MEGF9: variants seen among roughly 807,000 people sequenced by gnomAD.
MEGF9 encodes multiple epidermal growth factor-like domains protein 9.
In MEGF9, 6 loss-of-function variants were observed where a neutral mutation model predicts 46.8. The ratio of observed to expected loss-of-function variants is 0.13; its 90% CI spans 0.07 to 0.25. The LOEUF (loss-of-function observed/expected upper bound fraction) is 0.25. Ranked by LOEUF, MEGF9 falls within the 10% of genes least tolerant of loss-of-function variation. The pLI is 1.00. For missense variants in MEGF9, 683 were observed against 792.4 expected, an observed-to-expected ratio of 0.86 and a Z score of 1.66; for synonymous variants, 302 against 330.7, an observed-to-expected ratio of 0.91 and a Z score of 0.94.
chr9:120,686,793 A>G (rs1314058237), intron 1 of MEGF9, among the ~76,000 whole-genome samples: 3 of 152,216 alleles, frequency 2.0e-5, no homozygotes, highest in Non-Finnish European at 4.4e-5. Context: ...TATTAAATGA[A>G]ACAATATAGC....
chr9:120,609,596 A>G (rs2043435849), intron 4 of MEGF9, among the ~76,000 whole-genome samples: 1 of 152,240 alleles, frequency 6.6e-6, no homozygotes, highest in Non-Finnish European at 1.5e-5. Flanking sequence ...TTTAGGCAGT[A>G]GGAACATAAC....
Position 120,601,926 on chromosome 9 carries a change from A to G in MEGF9, c.*3264T>C, listed in dbSNP as rs910162532. ...TAATGGCAGTATCTGTAATTTCCAA[A>G]TAAGATTCACATCAGTGCTATCTTA... On this transcript the variant is annotated 3_prime_UTR_variant, in exon 6 of 6. Coordinates refer to ENST00000373930, the MANE Select transcript of MEGF9 (RefSeq NM_001080497.3). 2.0e-5 allele frequency: 3 copies of G among 152,228 alleles called. No individual in the cohort carries two copies. Among genetic ancestry groups the G allele is most frequent in the South Asian group, 2.1e-4 (1 of 4,834 alleles). The allele number at this position is 152,228 out of a possible 1,614,324, so 9.4% of individuals were successfully genotyped here. A position where few individuals can be genotyped will look rare whatever the true frequency, so the allele number is the denominator to read the frequency against.
chr9:120,692,656 C>T, intron 1 of MEGF9, among the ~76,000 whole-genome samples: 1 of 152,122 alleles, frequency 6.6e-6, no homozygotes, highest in Non-Finnish European at 1.5e-5. Flanking sequence ...TCTCTTCATT[C>T]CCTGTTCCAC....
Position 120,605,141 on chromosome 9 carries a change from C to G in MEGF9, c.*49G>C, listed in dbSNP as rs1226242233. 6.5e-7 allele frequency: 1 copy of G among 1,534,930 alleles called. No homozygotes were observed. The highest frequency in any genetic ancestry group is 8.8e-7 in the Non-Finnish European group (1 of 1,138,516). Reference sequence around the variant, plus strand: ...GCTTTGTCTGGCCCAGGGGCTGACTCTGTCTTAGCAAGCACTGTGGTTTAA... The same window carrying G: ...GCTTTGTCTGGCCCAGGGGCTGACTGTGTCTTAGCAAGCACTGTGGTTTAA... On this transcript the variant is annotated 3_prime_UTR_variant, in exon 6 of 6. Transcript: ENST00000373930. The surrounding 1 kb of genome is among the most constrained non-coding windows in gnomAD (Gnocchi z 4.0).
At chr9:120,659,660 T>C in intron 1 of MEGF9, 85 bp from the exon 2 acceptor site, 1 of 1,118,822 alleles carries the variant, frequency 8.9e-7, no homozygotes, top group Non-Finnish European at 1.2e-6. Context: ...TTTTTCTTAA[T>C]AAATTTTCAT....
chr9:120,634,765 T>C (rs927731544), intron 2 of MEGF9, among the ~76,000 whole-genome samples: 7 of 152,208 alleles, frequency 4.6e-5, no homozygotes, highest in African/African-American at 1.7e-4. Context: ...TGCTGACATT[T>C]TGTTAATTGT....
At chr9:120,708,430 T>C (rs2043938512) in intron 1 of MEGF9, among the ~76,000 whole-genome samples, 1 of 152,200 alleles carries the variant, frequency 6.6e-6, no homozygotes, top group South Asian at 2.1e-4. Context: ...TTTGTTTACA[T>C]GTCATGGTAG....
intron 1 of MEGF9, among the ~76,000 whole-genome samples, chr9:120,674,990 T>C (rs747081892): frequency 2.0e-5 from 3 of 151,826 alleles, no homozygotes; most frequent in Non-Finnish European, 2.9e-5. Context: ...GCCATTTTCC[T>C]GCCTCAGCTT....
chr9:120,709,371 C>T (rs1034208263), intron 1 of MEGF9, among the ~76,000 whole-genome samples: 1 of 151,672 alleles, frequency 6.6e-6, no homozygotes, highest in African/African-American at 2.4e-5. Flanking sequence ...TGAGATGGTG[C>T]CACTGCATTC....
At chr9:120,647,907 T>C (rs769965841) in intron 2 of MEGF9, among the ~76,000 whole-genome samples, 1 of 152,016 alleles carries the variant, frequency 6.6e-6, no homozygotes, top group East Asian at 1.9e-4. Context: ...GCCAGAAACA[T>C]GGGAGTCATC....
At chr9:120,689,951 A>G (rs199691251) in intron 1 of MEGF9, 2 of 532,668 alleles carry the variant, frequency 3.8e-6, no homozygotes, top group Non-Finnish European at 7.7e-6. Context: ...CTGAGACTCT[A>G]AGATTCATGA....
intron 4 of MEGF9, among the ~76,000 whole-genome samples, chr9:120,610,250 C>CAACA (rs1278160393): frequency 6.6e-6 from 1 of 152,164 alleles, no homozygotes; most frequent in Non-Finnish European, 1.5e-5. Flanking sequence ...TTACAGCTTA[C>CAACA]AACAGTACCA....
At chr9:120,635,677 T>C (rs911333370) in intron 2 of MEGF9, among the ~76,000 whole-genome samples, 2 of 152,230 alleles carry the variant, frequency 1.3e-5, no homozygotes, top group African/African-American at 4.8e-5. Flanking sequence ...TTCTTTTTTT[T>C]ATGATTTCTA....
chr9:120,650,832 C>G lies in MEGF9; in HGVS notation c.803+8542G>C, dbSNP rs1235885587. 5.4e-5 allele frequency among the ~76,000 whole-genome samples: 8 copies of G among 148,174 alleles called. No homozygotes were observed. In the East Asian group the frequency reaches 1.6e-3, roughly 29 times the overall value. On this transcript the variant is annotated intron_variant, in intron 2 of 5. Coordinates refer to ENST00000373930, the MANE Select transcript of MEGF9 (RefSeq NM_001080497.3). ...CTGGAATTTTCATGTTTTTTTTTTT[C>G]TCCTGATAGGTCTTCTCATCTCTCT...
chr9:120,696,548 G>T (rs1054236863), intron 1 of MEGF9, among the ~76,000 whole-genome samples: 1 of 152,084 alleles, frequency 6.6e-6, no homozygotes, highest in African/African-American at 2.4e-5. Context: ...ATCTGACAAA[G>T]AGTAACCTTC....
chr9:120,670,340 G>C (rs536497169), intron 1 of MEGF9, among the ~76,000 whole-genome samples: 1 of 152,032 alleles, frequency 6.6e-6, no homozygotes, highest in Non-Finnish European at 1.5e-5. Flanking sequence ...CAAATGATCT[G>C]CCCACCTCAG....
rs775513446 is a variant in MEGF9, at chr9:120,605,110, A to C, written c.*80T>G. Reference sequence around the variant, plus strand: ...TGCCTTTGCTTTCTCAGCAAACTCTAGCCAGGCTTTGTCTGGCCCAGGGGC... The same window carrying C: ...TGCCTTTGCTTTCTCAGCAAACTCTCGCCAGGCTTTGTCTGGCCCAGGGGC... On this transcript the variant is annotated 3_prime_UTR_variant, in exon 6 of 6. Transcript: ENST00000373930. This position sits in a 1 kb window ranked among gnomAD's most constrained non-coding sequence, Gnocchi z 4.0. The C allele has an allele frequency of 2.1e-6, 3 of 1,414,430 alleles. No homozygotes were observed. In the African/African-American group the frequency reaches 4.3e-5, roughly 20 times the overall value. The allele number at this position is 1,414,430 out of a possible 1,614,324, so 87.6% of individuals were successfully genotyped here.
At chr9:120,627,110 ATAATTACTAGT>A (rs2043528813) in intron 2 of MEGF9, among the ~76,000 whole-genome samples, 1 of 152,242 alleles carries the variant, frequency 6.6e-6, no homozygotes, top group African/African-American at 2.4e-5. Flanking sequence ...ACATTAAAGG[ATAATTACTAGT>A]TTGTAGCAAA....
At chr9:120,630,463 A>G (rs2132307988) in intron 2 of MEGF9, among the ~76,000 whole-genome samples, 1 of 152,340 alleles carries the variant, frequency 6.6e-6, no homozygotes, top group African/African-American at 2.4e-5. Flanking sequence ...AAGTGCTGCA[A>G]TAAACATGGG....
Sources: gnomAD v4.1 joint callset for allele counts (sites outside exome capture counted in the v4.1 genomes callset) on GRCh38, gnomAD v4.1.1 for gene constraint, Gnocchi (gnomAD v3.1) non-coding constraint, MANE v1.5 for transcripts, NCBI Gene and HGNC (gene_info 2026-07-23, HGNC 2026-07-21) for gene names.